UQCRB: variants seen among roughly 807,000 people sequenced by gnomAD.
UQCRB encodes cytochrome b-c1 complex subunit 7.
A neutral mutation model predicts 19.8 loss-of-function variants in UQCRB; 12 were observed. The ratio of observed to expected loss-of-function variants is 0.61; its 90% CI spans 0.39 to 0.98. The LOEUF (loss-of-function observed/expected upper bound fraction) is 0.98, where lower values mean the gene tolerates loss of function less well. Among genes scored for constraint, UQCRB ranks in the 50% least tolerant of loss-of-function variants. The pLI, the probability that UQCRB is intolerant of heterozygous loss-of-function variation, is 0.00. For synonymous variants in UQCRB, 39 were observed against 42.9 expected (o/e 0.91, Z 0.35); for missense variants, 142 against 131.8 (o/e 1.08, Z -0.38).
Position 96,230,945 on chromosome 8 carries a change from T to C in UQCRB, c.*110A>G, listed in dbSNP as rs1309611703. ...AATTCAAAAACTCCAGCCATTACAATAGACATTTATTTAAAGTAAAACATC... is the reference window on the plus strand; with the variant it reads ...AATTCAAAAACTCCAGCCATTACAACAGACATTTATTTAAAGTAAAACATC... On this transcript the variant is annotated 3_prime_UTR_variant, in exon 4 of 4. Transcript: ENST00000287022. The C allele has an allele frequency of 1.0e-5, 12 of 1,150,012 alleles. No homozygotes were observed. In the East Asian group the frequency reaches 2.1e-4, roughly 20 times the overall value. The allele number at this position is 1,150,012 out of a possible 1,614,324, so 71.2% of individuals were successfully genotyped here. A position where few individuals can be genotyped will look rare whatever the true frequency, so the allele number is the denominator to read the frequency against.
chr8:96,230,309 T>C lies in UQCRB; in HGVS notation c.*746A>G, dbSNP rs867404558. The C allele has an allele frequency of 2.9e-5, 12 of 419,682 alleles. No individual in the cohort carries two copies. Among genetic ancestry groups the C allele is most frequent in the African/African-American group, 2.3e-4 (11 of 48,492 alleles). The allele number at this position is 419,682 out of a possible 1,614,324, so 26.0% of individuals were successfully genotyped here. On this transcript the variant is annotated 3_prime_UTR_variant, in exon 4 of 4. Coordinates refer to ENST00000287022, the MANE Select transcript of UQCRB (RefSeq NM_006294.5). ...CCAGGCTGGTCTCAAATTCCTGACT[T>C]CAGGTGACCCGCCCGCCTCGGCCTC...
At chr8:96,233,268 A>G (rs1809719608) in intron 1 of UQCRB, 41 bp from the exon 2 acceptor site, 1 of 1,586,186 alleles carries the variant, frequency 6.3e-7, no homozygotes, top group African/African-American at 1.3e-5. Context: ...ATTTAATTAT[A>G]CTATATGAAC....
chr8:96,233,431 T>C (rs1193027137), intron 1 of UQCRB: 7 of 541,638 alleles, frequency 1.3e-5, no homozygotes, highest in Non-Finnish European at 6.4e-6. Flanking sequence ...TATAAAATGT[T>C]GATAAAAAGT....
chr8:96,232,046 T>A, intron 2 of UQCRB, 106 bp from the exon 3 acceptor site: 1 of 1,086,790 alleles, frequency 9.2e-7, no homozygotes, highest in Non-Finnish European at 1.4e-6. Context: ...TTTGGTGAAC[T>A]ATCGAATTCA....
At chr8:96,233,416 T>C (rs978407146) in intron 1 of UQCRB, 189 bp from the exon 2 acceptor site, 13 of 586,610 alleles carry the variant, frequency 2.2e-5, no homozygotes, top group African/African-American at 1.7e-4. Flanking sequence ...AAAAAGTTTA[T>C]ACTCTATAAA....
rs376891713 is a variant in UQCRB at position 96,231,944 on chromosome 8, T to C, written c.92-4A>G. ...ATTGTATCATCTCGCATTAACCCTATGATAGATGACAAAGTTAGATTGCAC... is the reference window on the plus strand; with the variant it reads ...ATTGTATCATCTCGCATTAACCCTACGATAGATGACAAAGTTAGATTGCAC... On this transcript the variant is annotated splice_polypyrimidine_tract_variant and splice_region_variant and intron_variant, in intron 2 of 3. Transcript: ENST00000287022. The C allele has an allele frequency of 7.6e-5, 122 of 1,612,004 alleles. No homozygotes were observed. The highest frequency in any genetic ancestry group is 2.7e-4 in the African/African-American group (20 of 74,940).
At position 96,231,837 on chromosome 8, in the gene UQCRB, C is replaced by T. The variant is rs11558865; in HGVS notation, c.195G>A (p.Arg65=). 2,915 of 1,614,092 alleles carry T rather than the reference C, an allele frequency of 1.8e-3. 48 individuals carry two copies. In the African/African-American group the frequency reaches 0.035, roughly 19 times the overall value. Residue 65 remains arginine (R), a synonymous_variant, in exon 3 of 4, where the codon AGG becomes AGA. Coordinates refer to ENST00000287022, the MANE Select transcript of UQCRB (RefSeq NM_006294.5). ...GATGCTTCAAGTTCAGGTCCAGTGC[C>T]CTCTTAATGCGAAACATCCTGTCAT... The part of the protein sequence containing the change: ...LYNDRMFRIK[R]ALDLNLKHQI...
At position 96,229,882 on chromosome 8, in the gene UQCRB, T is replaced by C. The variant is rs1809619161; in HGVS notation, c.*1173A>G. ...TTCTCATTGCTTTACAAACTTTAAA[T>C]GTAACACAAATTCGTTTTTCACACT... is the stretch of plus-strand genomic sequence containing the variant. On this transcript the variant is annotated 3_prime_UTR_variant, in exon 4 of 4. Transcript: ENST00000287022. 2.2e-6 allele frequency: 1 copy of C among 450,088 alleles called. No homozygotes were observed. The highest frequency in any genetic ancestry group is 4.4e-6 in the Non-Finnish European group (1 of 224,824). 27.9% of individuals were successfully genotyped at this position (450,088 alleles called of 1,614,324 possible). A position where few individuals can be genotyped will look rare whatever the true frequency, so the allele number is the denominator to read the frequency against.
rs1442325519 is a variant in UQCRB, at chr8:96,231,695, T to C, written c.258+79A>G. The C allele has an allele frequency of 8.9e-6, 14 of 1,581,028 alleles. No individual in the cohort carries two copies. The African/African-American group carries it at 1.8e-4, about 20-fold the overall frequency. ...CATGACTCAGAGAACTCTAACACTA[T>C]GCAAATGAACATGTTTCTCTTGTTT... On this transcript the variant is annotated intron_variant, in intron 3 of 3. Coordinates refer to ENST00000287022, the MANE Select transcript of UQCRB (RefSeq NM_006294.5).
intron 1 of UQCRB, chr8:96,234,980 T>C (rs778642936): frequency 9.8e-5 from 22 of 225,572 alleles, no homozygotes; most frequent in Non-Finnish European, 1.8e-4. Context: ...CAACTGTCTC[T>C]GATTCGCAGT....
chr8:96,229,069 A>G lies in UQCRB; in HGVS notation c.*1986T>C. The G allele has an allele frequency of 2.2e-6, 1 of 454,092 alleles. No individual in the cohort carries two copies. Among genetic ancestry groups the G allele is most frequent in the African/African-American group, 2.0e-5 (1 of 50,124 alleles). The allele number at this position is 454,092 out of a possible 1,614,324, so 28.1% of individuals were successfully genotyped here. A position where few individuals can be genotyped will look rare whatever the true frequency, so the allele number is the denominator to read the frequency against. ...TAGTCTTCATAACAAGCAGGACGAT[A>G]ACCATAATTTATAATGAACACAAAA... On this transcript the variant is annotated 3_prime_UTR_variant, in exon 4 of 4. Transcript: ENST00000287022.
rs772755061 is a variant in UQCRB at position 96,227,503 on chromosome 8, C to T, written c.*3552G>A. On this transcript the variant is annotated 3_prime_UTR_variant, in exon 4 of 4. Transcript: ENST00000287022. ...CCTGTCTTACTCACTTTCTAACCATCCCTCTCTGATACTGTCCCTCCTAAA... is the reference window on the plus strand; with the variant it reads ...CCTGTCTTACTCACTTTCTAACCATTCCTCTCTGATACTGTCCCTCCTAAA... 24 of 454,014 alleles carry T rather than the reference C, an allele frequency of 5.3e-5. No individual in the cohort carries two copies. The highest frequency in any genetic ancestry group is 9.3e-5 in the Non-Finnish European group (21 of 226,804). 28.1% of individuals were successfully genotyped at this position (454,014 alleles called of 1,614,324 possible). A position where few individuals can be genotyped will look rare whatever the true frequency, so the allele number is the denominator to read the frequency against.
rs1305914076 is a variant in UQCRB at position 96,228,117 on chromosome 8, G to A, written c.*2938C>T. ...ATACTAGGTAGTGCACTACAACAGT[G>A]AACATAAGCCAGCCATCTGTTTTTT... On this transcript the variant is annotated 3_prime_UTR_variant, in exon 4 of 4. Coordinates refer to ENST00000287022, the MANE Select transcript of UQCRB (RefSeq NM_006294.5). The A allele has an allele frequency of 2.2e-6, 1 of 454,072 alleles. No individual in the cohort carries two copies. Among genetic ancestry groups the A allele is most frequent in the Non-Finnish European group, 4.4e-6 (1 of 226,796 alleles). The allele number at this position is 454,072 out of a possible 1,614,324, so 28.1% of individuals were successfully genotyped here.
chr8:96,224,184 A>G lies in UQCRB; in HGVS notation c.*6871T>C, dbSNP rs1809490445. Among the ~76,000 whole-genome samples the G allele has an allele frequency of 1.3e-5, 2 of 152,208 alleles. No homozygotes were observed. The highest frequency in any genetic ancestry group is 2.1e-4 in the South Asian group (1 of 4,830). ...AATCAGGCAAACCAAAGAATGTCCAATGAAGGGACAATTAACAAACGGCAG... is the reference window on the plus strand; with the variant it reads ...AATCAGGCAAACCAAAGAATGTCCAGTGAAGGGACAATTAACAAACGGCAG... On this transcript the variant is annotated 3_prime_UTR_variant, in exon 4 of 4. Transcript: ENST00000287022.
rs759145181 is a variant in UQCRB at position 96,223,460 on chromosome 8, C to A, written c.*7595G>T. Among the ~76,000 whole-genome samples, 3 of 152,110 alleles carry A rather than the reference C, an allele frequency of 2.0e-5. No homozygotes were observed. The highest frequency in any genetic ancestry group is 6.5e-5 in the Admixed American group (1 of 15,274). Reference sequence around the variant, plus strand: ...AAAAATTTTCAAGGAATAAATGAAACCTGAAATGGCCCACAGTGAACACTA... The same window carrying A: ...AAAAATTTTCAAGGAATAAATGAAAACTGAAATGGCCCACAGTGAACACTA... On this transcript the variant is annotated 3_prime_UTR_variant, in exon 4 of 4. Coordinates refer to ENST00000287022, the MANE Select transcript of UQCRB (RefSeq NM_006294.5).
intron 1 of UQCRB, chr8:96,234,463 T>G: frequency 4.7e-6 from 6 of 1,286,248 alleles, no homozygotes; most frequent in Non-Finnish European, 6.1e-6. Flanking sequence ...CTAATGGGAG[T>G]TGAGATCTGG....
Position 96,229,309 on chromosome 8 carries a change from T to C in UQCRB, c.*1746A>G, listed in dbSNP as rs1483771248. ...TCTTGGTCAGTTCTATTTGTTCCCCTGTCCTTCAGCAGTGCCCTTAGGCTT... is the reference window on the plus strand; with the variant it reads ...TCTTGGTCAGTTCTATTTGTTCCCCCGTCCTTCAGCAGTGCCCTTAGGCTT... On this transcript the variant is annotated 3_prime_UTR_variant, in exon 4 of 4. Coordinates refer to ENST00000287022, the MANE Select transcript of UQCRB (RefSeq NM_006294.5). 1 of 454,112 alleles carries C rather than the reference T, an allele frequency of 2.2e-6. No homozygotes were observed. The highest frequency in any genetic ancestry group is 4.4e-6 in the Non-Finnish European group (1 of 226,786). 28.1% of individuals were successfully genotyped at this position (454,112 alleles called of 1,614,324 possible).
In UQCRB at chr8:96,226,042, CTG is replaced by C. The variant is rs1486017728; in HGVS notation, c.*5011_*5012del. The C allele has an allele frequency of 6.6e-6, 1 of 152,120 alleles. No individual in the cohort carries two copies. The highest frequency in any genetic ancestry group is 1.5e-5 in the Non-Finnish European group (1 of 68,014). 9.4% of individuals were successfully genotyped at this position (152,120 alleles called of 1,614,324 possible). A position where few individuals can be genotyped will look rare whatever the true frequency, so the allele number is the denominator to read the frequency against. On this transcript the variant is annotated 3_prime_UTR_variant, in exon 4 of 4. Transcript: ENST00000287022. The stretch of plus-strand genomic sequence containing the variant: ...AGAAGCCAGGATGCTGCTAAATATC[CTG>C]TAACACACAGAGGAGGCCCCCACAA...
Position 96,235,514 on chromosome 8 carries a change from G to A in UQCRB, c.17C>T (p.Ala6Val), listed in dbSNP as rs200758329. 2.4e-5 allele frequency: 38 copies of A among 1,614,202 alleles called. No homozygotes were observed. The African/African-American group carries it at 2.5e-4, about 11-fold the overall frequency. Reference protein sequence around the residue: MAGKQAVSASGKWLDG... With the variant: MAGKQVVSASGKWLDG... ...CAAGAAGACCCCCAGTTACTTACCG[G>A]CCTGCTTACCAGCCATTTTGACCAG... is the stretch of plus-strand genomic sequence containing the variant. The change falls in exon 1 of 4, where the codon GCC becomes GTC. Residue 6 changes from alanine (A) to valine (V), a missense_variant and splice_region_variant. By Grantham distance (64) the Ala-to-Val change is moderately conservative. Transcript: ENST00000287022.
Sources: gnomAD v4.1 joint callset for allele counts (sites outside exome capture counted in the v4.1 genomes callset) on GRCh38, gnomAD v4.1.1 for gene constraint, MANE v1.5 for transcripts, NCBI Gene and HGNC (gene_info 2026-07-23, HGNC 2026-07-21) for gene names.